Variants in MTUS2 observed in about 807,000 individuals in gnomAD.
MTUS2 encodes the protein microtubule associated scaffold protein 2.
MTUS2 carries 40 observed loss-of-function variants against 114.1 expected under a neutral mutation model. The observed-to-expected ratio is 0.35, with a 90% CI of 0.27 to 0.46. The LOEUF (loss-of-function observed/expected upper bound fraction) is 0.46, where lower values mean the gene tolerates loss of function less well. Among genes scored for constraint, MTUS2 ranks in the 20% least tolerant of loss-of-function variants. The pLI is 1.00. For synonymous variants in MTUS2, 688 were observed against 672.0 expected, an observed-to-expected ratio of 1.02 and a Z score of -0.37; for missense variants, 1,679 against 1,705.4, an observed-to-expected ratio of 0.98 and a Z score of 0.27.
At chr13:29,129,237 A>G (rs1891651164) in intron 5 of MTUS2, among the ~76,000 whole-genome samples, 1 of 151,770 alleles carries the variant, frequency 6.6e-6, no homozygotes, top group Non-Finnish European at 1.5e-5. Flanking sequence ...CCAGATTCAG[A>G]AAGGACTGGC....
At chr13:28,938,100 C>A (rs367738665) in intron 2 of MTUS2, among the ~76,000 whole-genome samples, 1 of 152,160 alleles carries the variant, frequency 6.6e-6, no homozygotes, top group African/African-American at 2.4e-5. Context: ...TTAAAAATGT[C>A]TTGGCCGGGT....
At chr13:29,448,224 C>T (rs1441977700) in intron 9 of MTUS2, among the ~76,000 whole-genome samples, 1 of 152,124 alleles carries the variant, frequency 6.6e-6, no homozygotes, top group Non-Finnish European at 1.5e-5. Context: ...TACAATGGAG[C>T]CTTCTGGCTG....
intron 8 of MTUS2, among the ~76,000 whole-genome samples, chr13:29,432,447 C>T (rs1877073556): frequency 1.3e-5 from 2 of 152,154 alleles, no homozygotes; most frequent in Admixed American, 1.3e-4. Flanking sequence ...TACGAGCTTC[C>T]TTTTTAACAA....
chr13:28,860,589 A>C (rs1334401101), intron 2 of MTUS2, among the ~76,000 whole-genome samples: 1 of 152,168 alleles, frequency 6.6e-6, no homozygotes, highest in Admixed American at 6.5e-5. Flanking sequence ...CACATGCTGC[A>C]TGTCAGCCTA....
At chr13:29,198,301 T>C (rs1363936005) in intron 5 of MTUS2, among the ~76,000 whole-genome samples, 1 of 152,250 alleles carries the variant, frequency 6.6e-6, no homozygotes, top group East Asian at 1.9e-4. Context: ...TACCCAGTTT[T>C]CCCAACACTA....
At chr13:29,015,981 T>G (rs992049309) in intron 2 of MTUS2, among the ~76,000 whole-genome samples, 1 of 152,170 alleles carries the variant, frequency 6.6e-6, no homozygotes, top group African/African-American at 2.4e-5. Flanking sequence ...CTCGGCCCAG[T>G]GCAACCTCCG....
intron 11 of MTUS2, among the ~76,000 whole-genome samples, chr13:29,490,688 G>A (rs999867544): frequency 1.1e-4 from 17 of 152,258 alleles, no homozygotes; most frequent in African/African-American, 3.4e-4. Flanking sequence ...TCCCAGGGAC[G>A]TATAGTTCTC....
At position 29,016,338 on chromosome 13, in the gene MTUS2, T is replaced by C. The variant is rs373795615; in HGVS notation, c.-242-8119T>C. The stretch of plus-strand genomic sequence containing the variant: ...GCTCTTTATTTTCTGGGTGGAATTC[T>C]CCCCTGGAAAGGACTTTTTTTTTTT... On this transcript the variant is annotated intron_variant, in intron 2 of 15. Coordinates refer to ENST00000612955, the MANE Select transcript of MTUS2 (RefSeq NM_001033602.4). Among the ~76,000 whole-genome samples the C allele has an allele frequency of 1.5e-3, 220 of 151,258 alleles. 1 individual carries two copies. The highest frequency in any genetic ancestry group is 5.1e-3 in the African/African-American group (211 of 41,246).
At chr13:29,377,834 C>G (rs79306372) in intron 8 of MTUS2, among the ~76,000 whole-genome samples, 15,167 of 152,144 alleles carry the variant, frequency 0.1, 793 homozygotes, top group Middle Eastern at 0.2. Flanking sequence ...AAAGCTGGTT[C>G]TTTGAAGTGG....
chr13:29,330,805 G>A (rs1186968734), intron 7 of MTUS2, among the ~76,000 whole-genome samples: 2 of 152,072 alleles, frequency 1.3e-5, no homozygotes. Flanking sequence ...TATCTGTTTT[G>A]GTACCAATAC....
intron 9 of MTUS2, among the ~76,000 whole-genome samples, chr13:29,453,966 G>A (rs984607629): frequency 3.9e-5 from 6 of 152,152 alleles, no homozygotes; most frequent in Non-Finnish European, 8.8e-5. Context: ...GCCATGGTTA[G>A]GTATTAAATG....
intron 5 of MTUS2, among the ~76,000 whole-genome samples, chr13:29,180,801 G>C (rs1375776161): frequency 1.3e-5 from 2 of 152,196 alleles, no homozygotes; most frequent in Non-Finnish European, 2.9e-5. Flanking sequence ...GCGCCTATGA[G>C]AGGGTTGTCC....
chr13:29,116,176 T>A (rs752621578), intron 5 of MTUS2, among the ~76,000 whole-genome samples: 2 of 152,212 alleles, frequency 1.3e-5, no homozygotes, highest in African/African-American at 2.4e-5. Flanking sequence ...AATTCAGATA[T>A]CTGTCAAGCA....
At chr13:28,982,797 G>A (rs1179645021) in intron 2 of MTUS2, among the ~76,000 whole-genome samples, 1 of 152,224 alleles carries the variant, frequency 6.6e-6, no homozygotes, top group African/African-American at 2.4e-5. Flanking sequence ...CAAATACTAT[G>A]TGATTCCATT....
intron 2 of MTUS2, among the ~76,000 whole-genome samples, chr13:28,846,091 G>A (rs1249530748): frequency 6.7e-6 from 1 of 149,468 alleles, no homozygotes; most frequent in Non-Finnish European, 1.5e-5. Context: ...CTTCAGAATA[G>A]GGCATATTAA....
intron 5 of MTUS2, among the ~76,000 whole-genome samples, chr13:29,211,700 T>G (rs1593609700): frequency 6.6e-6 from 1 of 152,196 alleles, no homozygotes; most frequent in East Asian, 1.9e-4. Flanking sequence ...GGTCAAATCC[T>G]TCTCCCGTGA....
intron 7 of MTUS2, among the ~76,000 whole-genome samples, chr13:29,328,464 A>C (rs1395209375): frequency 6.6e-6 from 1 of 152,236 alleles, no homozygotes. Context: ...TGGGGAGATC[A>C]TAGGTGGGTT....
At chr13:29,106,891 A>G (rs1018458297) in intron 5 of MTUS2, among the ~76,000 whole-genome samples, 3 of 151,850 alleles carry the variant, frequency 2.0e-5, no homozygotes, top group Non-Finnish European at 2.9e-5. Context: ...GTCTTCCATG[A>G]CCTGGCCCTC....
At chr13:29,416,362 A>G (rs917196221) in intron 8 of MTUS2, among the ~76,000 whole-genome samples, 7 of 151,776 alleles carry the variant, frequency 4.6e-5, no homozygotes, top group Non-Finnish European at 8.8e-5. Flanking sequence ...GTCAAGACAT[A>G]TAGCATTTGT....
Sources: allele counts gnomAD v4.1 joint callset (sites outside exome capture counted in the v4.1 genomes callset), GRCh38; gene constraint gnomAD v4.1.1; transcripts MANE v1.5; gene names NCBI Gene and HGNC (gene_info 2026-07-23, HGNC 2026-07-21).